The following POC5 variants were observed in gnomAD, a reference collection of about 807,000 sequenced individuals.
The protein encoded by POC5 is POC5 centriolar protein.
In POC5, 48 loss-of-function variants were observed where a neutral mutation model predicts 62.9. The ratio of observed to expected loss-of-function variants is 0.76; its 90% CI spans 0.61 to 0.97. The LOEUF is 0.97. POC5 is among the 50% of genes least tolerant of loss of function. The pLI is 0.00. For missense variants in POC5, 696 were observed against 679.5 expected (o/e 1.02, Z -0.27); for synonymous variants, 236 against 228.2 (o/e 1.03, Z -0.31).
intron 1 of POC5, among the ~76,000 whole-genome samples, chr5:75,713,618 C>T (rs554149625): frequency 6.6e-6 from 1 of 152,284 alleles, no homozygotes; most frequent in East Asian, 1.9e-4. Flanking sequence ...GATGAATAAA[C>T]TGCTGATAGG....
At chr5:75,678,248 A>G (rs1405183000) in intron 10 of POC5, among the ~76,000 whole-genome samples, 2 of 152,134 alleles carry the variant, frequency 1.3e-5, no homozygotes, top group Non-Finnish European at 2.9e-5. Flanking sequence ...ATTGAAAAGT[A>G]CTGTGTGCTC....
At chr5:75,684,771 T>A (rs1001840676) in intron 10 of POC5, among the ~76,000 whole-genome samples, 3 of 152,198 alleles carry the variant, frequency 2.0e-5, no homozygotes, top group Non-Finnish European at 4.4e-5. Flanking sequence ...TCACTTTGTG[T>A]ATTAAATATT....
intron 2 of POC5, among the ~76,000 whole-genome samples, chr5:75,710,834 G>C (rs1426413576): frequency 6.6e-6 from 1 of 152,146 alleles, no homozygotes; most frequent in Non-Finnish European, 1.5e-5. Context: ...TCTACTCAGA[G>C]TTAGCCTATC....
intron 10 of POC5, among the ~76,000 whole-genome samples, chr5:75,683,755 G>T (rs1775962488): frequency 6.6e-6 from 1 of 151,656 alleles, no homozygotes; most frequent in African/African-American, 2.4e-5. Flanking sequence ...CCAGGCTGGA[G>T]TGCAGTGGTG....
intron 2 of POC5, among the ~76,000 whole-genome samples, chr5:75,711,963 C>T (rs1177915554): frequency 6.6e-6 from 1 of 152,104 alleles, no homozygotes; most frequent in African/African-American, 2.4e-5. Context: ...AGTACTGTCA[C>T]CTGAAGAGAG....
chr5:75,697,410 T>C (rs908925539), intron 5 of POC5, among the ~76,000 whole-genome samples: 2 of 152,034 alleles, frequency 1.3e-5, no homozygotes, highest in Non-Finnish European at 2.9e-5. Context: ...TTCAACATTC[T>C]TAAAGAAAAG....
At chr5:75,699,238 T>C (rs1388493551) in intron 5 of POC5, among the ~76,000 whole-genome samples, 3 of 152,134 alleles carry the variant, frequency 2.0e-5, no homozygotes, top group African/African-American at 7.2e-5. Context: ...ATCATCCTGA[T>C]ACCAAAGCCG....
At chr5:75,715,926 G>C (rs1742511106) in intron 1 of POC5, among the ~76,000 whole-genome samples, 1 of 152,160 alleles carries the variant, frequency 6.6e-6, no homozygotes, top group Non-Finnish European at 1.5e-5. Context: ...GAAGAAAATA[G>C]AATTAGATGC....
At chr5:75,712,053 G>A (rs764242379) in intron 2 of POC5, among the ~76,000 whole-genome samples, 11 of 152,146 alleles carry the variant, frequency 7.2e-5, no homozygotes, top group Non-Finnish European at 1.5e-4. Flanking sequence ...GTTTTATCCT[G>A]TAAATATTCA....
chr5:75,699,695 A>G (rs1366091429), intron 5 of POC5, among the ~76,000 whole-genome samples: 8 of 144,646 alleles, frequency 5.5e-5, no homozygotes, highest in Non-Finnish European at 7.7e-5. Context: ...CCTATTCAAC[A>G]TAGTGTTGGA....
Position 75,694,070 on chromosome 5 carries a change from TGAG to T in POC5, c.690+582_690+584del, listed in dbSNP as rs1354894592. ...TGCACTTGCAGTCCCTGGCAGGGGC[TGAG>T]GCAGGAGGTTCACTTGAGCCCCGGA... On this transcript the variant is annotated intron_variant, in intron 6 of 11. Coordinates refer to ENST00000428202, the MANE Select transcript of POC5 (RefSeq NM_001099271.2). Among the ~76,000 whole-genome samples, 6 of 152,290 alleles carry T rather than the reference TGAG, an allele frequency of 3.9e-5. No homozygotes were observed. In the East Asian group the frequency reaches 1.2e-3, roughly 29 times the overall value.
intron 5 of POC5, 110 bp downstream of exon 5, chr5:75,702,495 A>G: frequency 2.8e-6 from 3 of 1,065,236 alleles, no homozygotes; most frequent in Non-Finnish European, 4.0e-6. Flanking sequence ...ATCTCAGGAA[A>G]CAAAAGATTT....
At chr5:75,687,438 A>G (rs1157150946) in intron 9 of POC5, among the ~76,000 whole-genome samples, 1 of 152,192 alleles carries the variant, frequency 6.6e-6, no homozygotes, top group Admixed American at 6.5e-5. Context: ...AAATATCACA[A>G]AGCAGATCCA....
At chr5:75,703,524 G>T (rs769505951) in intron 4 of POC5, among the ~76,000 whole-genome samples, 1 of 152,154 alleles carries the variant, frequency 6.6e-6, no homozygotes, top group Non-Finnish European at 1.5e-5. Flanking sequence ...TACTCGGGAA[G>T]CTGAGGCAGG....
chr5:75,689,258 G>A (rs1317524426), intron 8 of POC5, 93 bp from the exon 9 acceptor site: 39 of 1,384,204 alleles, frequency 2.8e-5, no homozygotes, highest in Non-Finnish European at 3.6e-5. Context: ...TTATTCTCAT[G>A]TGAAATATTA....
chr5:75,691,408 C>T (rs867582693), intron 7 of POC5, among the ~76,000 whole-genome samples: 2 of 152,054 alleles, frequency 1.3e-5, no homozygotes, highest in Non-Finnish European at 2.9e-5. Flanking sequence ...CAGCATGACA[C>T]CACAAGTGAA....
chr5:75,677,139 G>A (rs1343735049), intron 11 of POC5, among the ~76,000 whole-genome samples: 1 of 152,152 alleles, frequency 6.6e-6, no homozygotes, highest in Non-Finnish European at 1.5e-5. Flanking sequence ...TTTTACAGAA[G>A]AGAAAGTGGA....
At chr5:75,690,751 G>A (rs4704231) in intron 7 of POC5, among the ~76,000 whole-genome samples, 189 bp from the exon 8 acceptor site, 37,051 of 152,098 alleles carry the variant, frequency 0.24, 4,741 homozygotes, top group South Asian at 0.32. Flanking sequence ...GTTCACATAA[G>A]TAGATGAGTA....
intron 3 of POC5, among the ~76,000 whole-genome samples, chr5:75,706,678 C>T (rs1777134930): frequency 1.3e-5 from 2 of 152,044 alleles, no homozygotes. Context: ...ATCCTCCCAC[C>T]CCAGCCTCCC....
Sources: gnomAD v4.1 joint callset for allele counts (sites outside exome capture counted in the v4.1 genomes callset) on GRCh38, gnomAD v4.1.1 for gene constraint, MANE v1.5 for transcripts, NCBI Gene and HGNC (gene_info 2026-07-23, HGNC 2026-07-21) for gene names.